BMAL2: variants seen among roughly 807,000 people sequenced by gnomAD.
The protein encoded by BMAL2 is basic helix-loop-helix ARNT like 2.
chr12:27,339,862 CT>C, the BMAL2 span, among the ~76,000 whole-genome samples: 8 of 151,276 alleles, frequency 5.3e-5, no homozygotes, highest in African/African-American at 1.7e-4. Flanking sequence ...TGATGTTGAG[CT>C]TTTTTTTTAA....
At chr12:27,415,368 A>G in the BMAL2 span, among the ~76,000 whole-genome samples, 1 of 152,200 alleles carries the variant, frequency 6.6e-6, no homozygotes, top group East Asian at 1.9e-4. Context: ...TTGGGAACAC[A>G]TAAAGACATA....
the BMAL2 span, chr12:27,403,459 G>A: frequency 6.2e-7 from 1 of 1,608,520 alleles, no homozygotes; most frequent in Admixed American, 1.7e-5. Flanking sequence ...CTGTATGAGT[G>A]TACCTGGAAT....
the BMAL2 span, among the ~76,000 whole-genome samples, chr12:27,356,901 AC>A: frequency 3.4e-5 from 5 of 146,838 alleles, no homozygotes; most frequent in East Asian, 4.0e-4. Context: ...TTTATCCCTC[AC>A]CCCCCCACCC....
chr12:27,369,429 C>T, the BMAL2 span, among the ~76,000 whole-genome samples: 131 of 152,282 alleles, frequency 8.6e-4, 1 homozygote, highest in African/African-American at 2.9e-3. Flanking sequence ...GCACTTCCCA[C>T]GCCACATATA....
At chr12:27,420,456 C>T in the BMAL2 span, 1 of 1,613,720 alleles carries the variant, frequency 6.2e-7, no homozygotes, top group Non-Finnish European at 8.5e-7. Flanking sequence ...GCCATGGCTG[C>T]ATTTATGAAT....
chr12:27,337,662 C>T, the BMAL2 span, among the ~76,000 whole-genome samples: 1 of 152,124 alleles, frequency 6.6e-6, no homozygotes, highest in East Asian at 1.9e-4. Context: ...TCAATATAAG[C>T]TTTGGAACTA....
chr12:27,400,638 A>G, the BMAL2 span: 2 of 1,614,042 alleles, frequency 1.2e-6, no homozygotes, highest in Non-Finnish European at 1.7e-6. Flanking sequence ...AGACAACAGT[A>G]ATTTTACCTG....
the BMAL2 span, among the ~76,000 whole-genome samples, chr12:27,359,048 C>T: frequency 3.3e-5 from 5 of 152,078 alleles, no homozygotes; most frequent in South Asian, 1.0e-3. Flanking sequence ...TACCACAAAC[C>T]TATAAAACAA....
chr12:27,337,825 A>G, the BMAL2 span, among the ~76,000 whole-genome samples: 2 of 152,212 alleles, frequency 1.3e-5, no homozygotes, highest in Non-Finnish European at 2.9e-5. Flanking sequence ...AAATGAGATA[A>G]TGATTACAAA....
At chr12:27,392,680 A>G in the BMAL2 span, among the ~76,000 whole-genome samples, 1 of 152,168 alleles carries the variant, frequency 6.6e-6, no homozygotes, top group Admixed American at 6.5e-5. Flanking sequence ...AATCCGTAAG[A>G]GGAAAACATG....
the BMAL2 span, among the ~76,000 whole-genome samples, chr12:27,376,980 G>A: frequency 1.4e-4 from 16 of 112,396 alleles, no homozygotes; most frequent in Admixed American, 2.4e-4. Flanking sequence ...CAGCCTGGGC[G>A]ACAGAGCAAA....
chr12:27,370,973 G>A, the BMAL2 span, among the ~76,000 whole-genome samples: 1 of 152,188 alleles, frequency 6.6e-6, no homozygotes. Context: ...TTATTGGGTT[G>A]CTACTATGTG....
chr12:27,377,009 A>T, the BMAL2 span, among the ~76,000 whole-genome samples: 78 of 150,628 alleles, frequency 5.2e-4, no homozygotes, highest in East Asian at 0.015. Context: ...TCAAAAAAAA[A>T]AAAAAAAAAA....
chr12:27,380,120 A>C, the BMAL2 span: 4 of 850,364 alleles, frequency 4.7e-6, no homozygotes, highest in Non-Finnish European at 5.4e-6. Context: ...TGACAACTGC[A>C]GGGCCCAAGT....
At chr12:27,385,456 T>C in the BMAL2 span, 3 of 1,517,316 alleles carry the variant, frequency 2.0e-6, no homozygotes, top group South Asian at 2.3e-5. Flanking sequence ...ATATTTCCAA[T>C]AACTCTTGAT....
the BMAL2 span, among the ~76,000 whole-genome samples, chr12:27,420,044 CACACAA>C: frequency 4.0e-5 from 6 of 151,272 alleles, no homozygotes; most frequent in African/African-American, 1.5e-4. Context: ...CACACACACA[CACACAA>C]ACATACACTA....
the BMAL2 span, among the ~76,000 whole-genome samples, chr12:27,414,659 T>C: frequency 6.6e-6 from 1 of 152,204 alleles, no homozygotes; most frequent in South Asian, 2.1e-4. Context: ...AAAGCAGTTC[T>C]AAGAGGGACG....
chr12:27,412,494 T>C, the BMAL2 span, among the ~76,000 whole-genome samples: 227 of 152,144 alleles, frequency 1.5e-3, no homozygotes, highest in Middle Eastern at 0.01. Flanking sequence ...GGAGAGGTAG[T>C]TTTCATCAGG....
chr12:27,417,774 A>G, the BMAL2 span, among the ~76,000 whole-genome samples: 2 of 151,814 alleles, frequency 1.3e-5, no homozygotes, highest in Admixed American at 6.6e-5. Flanking sequence ...CGGGCAGATC[A>G]TGAGGTCAGG....
Sources: gnomAD v4.1 joint callset for allele counts (sites outside exome capture counted in the v4.1 genomes callset) on GRCh38, gnomAD v4.1.1 for gene constraint, MANE v1.5 for transcripts, NCBI Gene and HGNC (gene_info 2026-07-23, HGNC 2026-07-21) for gene names.